The following NEK10 variants were observed in gnomAD, a reference collection of about 807,000 sequenced individuals.
NEK10 encodes the protein serine/threonine-protein kinase Nek10.
In NEK10, 122 loss-of-function variants were observed where a neutral mutation model predicts 159.8. The observed-to-expected ratio is 0.76, with a 90% CI of 0.66 to 0.89. The LOEUF (loss-of-function observed/expected upper bound fraction) is 0.89. NEK10 is among the 40% of genes least tolerant of loss of function. The probability of loss-of-function intolerance (pLI) is 0.00; values close to 1 mark genes in which losing one functional copy is unlikely to be tolerated. For synonymous variants in NEK10, 466 were observed against 457.1 expected (o/e 1.02, Z -0.25); for missense variants, 1,342 against 1,323.1 (o/e 1.01, Z -0.22).
At chr3:27,199,273 A>G (rs369932657) in intron 25 of NEK10, among the ~76,000 whole-genome samples, 15 of 152,128 alleles carry the variant, frequency 9.9e-5, no homozygotes, top group South Asian at 8.3e-4. Context: ...CAAGAGAAAA[A>G]CAACCCCATT....
chr3:27,302,959 A>T (rs2043949302), intron 12 of NEK10, among the ~76,000 whole-genome samples: 1 of 152,158 alleles, frequency 6.6e-6, no homozygotes, highest in Non-Finnish European at 1.5e-5. Flanking sequence ...GGCATGAGAA[A>T]GTGTCCCAGA....
intron 23 of NEK10, among the ~76,000 whole-genome samples, chr3:27,219,985 A>C (rs932668781): frequency 3.3e-5 from 5 of 152,246 alleles, no homozygotes; most frequent in African/African-American, 9.6e-5. Flanking sequence ...CTTCAAAAAA[A>C]CCCAAAACTT....
intron 31 of NEK10, among the ~76,000 whole-genome samples, chr3:27,132,573 TAGTA>T (rs1197484021): frequency 2.0e-5 from 3 of 152,086 alleles, no homozygotes; most frequent in Admixed American, 6.6e-5. Flanking sequence ...GAGTTACATT[TAGTA>T]AGTGAGTAGT....
intron 15 of NEK10, among the ~76,000 whole-genome samples, chr3:27,293,886 T>C (rs2043167613): frequency 6.6e-6 from 1 of 152,232 alleles, no homozygotes; most frequent in East Asian, 1.9e-4. Context: ...CTTCACTTGG[T>C]ACTCGTCATT....
At chr3:27,175,165 G>A (rs7651108) in intron 26 of NEK10, among the ~76,000 whole-genome samples, 28,926 of 152,052 alleles carry the variant, frequency 0.19, 2,801 homozygotes, top group African/African-American at 0.22. Flanking sequence ...TCTCCCTTAA[G>A]TTTTTTCAAA....
chr3:27,361,388 G>T (rs989028964), intron 1 of NEK10, among the ~76,000 whole-genome samples: 1 of 152,106 alleles, frequency 6.6e-6, no homozygotes, highest in African/African-American at 2.4e-5. Context: ...ATATTGAAAA[G>T]AGGAAAAAAG....
intron 30 of NEK10, among the ~76,000 whole-genome samples, chr3:27,147,810 A>G (rs1052208536): frequency 6.6e-6 from 1 of 152,196 alleles, no homozygotes; most frequent in African/African-American, 2.4e-5. Flanking sequence ...ATTGCCCTAT[A>G]GAAGTTCTAC....
intron 23 of NEK10, among the ~76,000 whole-genome samples, chr3:27,239,451 C>T (rs1040115249): frequency 1.3e-5 from 2 of 151,974 alleles, no homozygotes; most frequent in East Asian, 1.9e-4. Flanking sequence ...AAGGCAGACT[C>T]GAAAATCTCT....
chr3:27,201,411 CT>C, intron 25 of NEK10, 98 bp downstream of exon 25: 1 of 1,026,698 alleles, frequency 9.7e-7, no homozygotes, highest in Non-Finnish European at 1.5e-6. Flanking sequence ...TGTAGGGACT[CT>C]TTCTCTTCAT....
In NEK10 at chr3:27,261,642, A is replaced by C. The variant is rs1575495434; in HGVS notation, c.2015-5271T>G. ...TTTGCTGAGGAGTGCTTTACTTCCA[A>C]CTATGTGGTCAATTTTGGAATAAGT... is the stretch of plus-strand genomic sequence containing the variant. On this transcript the variant is annotated intron_variant, in intron 22 of 35. Coordinates refer to ENST00000691995, the MANE Select transcript of NEK10 (RefSeq NM_001394966.1). 5.3e-5 allele frequency among the ~76,000 whole-genome samples: 8 copies of C among 152,314 alleles called. No homozygotes were observed. The South Asian group carries it at 1.7e-3, about 32-fold the overall frequency.
At chr3:27,278,961 T>C (rs1355777449) in intron 22 of NEK10, 1 of 980,290 alleles carries the variant, frequency 1.0e-6, no homozygotes, top group Non-Finnish European at 1.2e-6. Context: ...TGCAAATAAA[T>C]GGAGAACAAG....
chr3:27,264,120 C>T (rs1682333967), intron 22 of NEK10, among the ~76,000 whole-genome samples: 1 of 152,144 alleles, frequency 6.6e-6, no homozygotes, highest in African/African-American at 2.4e-5. Context: ...AGATATTAAT[C>T]TGGGGTTGCT....
At chr3:27,210,673 G>A (rs1210350201) in intron 23 of NEK10, among the ~76,000 whole-genome samples, 1 of 152,060 alleles carries the variant, frequency 6.6e-6, no homozygotes. Flanking sequence ...ATTTCATATT[G>A]TTCTTATGTA....
intron 26 of NEK10, among the ~76,000 whole-genome samples, chr3:27,181,306 G>C (rs1948076902): frequency 6.6e-6 from 1 of 151,654 alleles, no homozygotes; most frequent in Non-Finnish European, 1.5e-5. Context: ...TATCTTCCTT[G>C]TGATTTTCTT....
intron 30 of NEK10, among the ~76,000 whole-genome samples, chr3:27,148,703 C>T (rs1944541162): frequency 6.6e-6 from 1 of 152,160 alleles, no homozygotes. Flanking sequence ...ACACACCATG[C>T]TACAATCATC....
chr3:27,143,988 A>C (rs1201813517), intron 30 of NEK10, among the ~76,000 whole-genome samples: 2 of 152,238 alleles, frequency 1.3e-5, no homozygotes, highest in African/African-American at 4.8e-5. Context: ...CACTCAGCCA[A>C]GACATAAAAT....
intron 22 of NEK10, among the ~76,000 whole-genome samples, chr3:27,273,727 A>G (rs184026316): frequency 1.6e-3 from 245 of 152,314 alleles, no homozygotes; most frequent in African/African-American, 5.5e-3. Context: ...CTTGAGCACA[A>G]CTGTGAAACA....
At chr3:27,298,845 G>A (rs1382895234) in intron 13 of NEK10, among the ~76,000 whole-genome samples, 1 of 152,124 alleles carries the variant, frequency 6.6e-6, no homozygotes, top group Non-Finnish European at 1.5e-5. Context: ...GTGGAACTTT[G>A]AACTTGAGAG....
intron 1 of NEK10, among the ~76,000 whole-genome samples, chr3:27,353,885 A>G (rs2048146689): frequency 6.6e-6 from 1 of 152,162 alleles, no homozygotes; most frequent in African/African-American, 2.4e-5. Context: ...GAGATTTAGC[A>G]TCTATTTTTA....
Sources: allele counts gnomAD v4.1 joint callset (sites outside exome capture counted in the v4.1 genomes callset), GRCh38; gene constraint gnomAD v4.1.1; transcripts MANE v1.5; gene names NCBI Gene and HGNC (gene_info 2026-07-23, HGNC 2026-07-21).